Variants in ADAR observed in about 807,000 individuals in gnomAD.
ADAR encodes adenosine deaminase RNA specific.
Under a neutral mutation model 113.2 loss-of-function variants are expected in ADAR, and 41 were observed. That is an observed-to-expected ratio of 0.36 (90% CI 0.28 to 0.47). ADAR has a LOEUF of 0.47. Ranked by LOEUF, ADAR falls within the 20% of genes least tolerant of loss-of-function variation. The pLI, the probability that ADAR is intolerant of heterozygous loss-of-function variation, is 1.00. For missense variants in ADAR, 1,242 were observed against 1,540.9 expected, an observed-to-expected ratio of 0.81 and a Z score of 3.25; for synonymous variants, 605 against 572.6, an observed-to-expected ratio of 1.06 and a Z score of -0.81.
rs1198416053 is a variant in ADAR, at chr1:154,582,141, G to C, written c.*2665C>G. 1 of 152,374 alleles carries C rather than the reference G, an allele frequency of 6.6e-6. No homozygotes were observed. Among genetic ancestry groups the C allele is most frequent in the Non-Finnish European group, 1.5e-5 (1 of 68,004 alleles). 9.4% of individuals were successfully genotyped at this position (152,374 alleles called of 1,614,324 possible). On this transcript the variant is annotated 3_prime_UTR_variant, in exon 15 of 15. Coordinates refer to ENST00000368474, the MANE Select transcript of ADAR (RefSeq NM_001111.5). The stretch of plus-strand genomic sequence containing the variant: ...CACTGTTATCAAGGGACACATAAAA[G>C]CAGAATCATAAAACTGGACTGCAGC...
In ADAR at chr1:154,597,841, C is replaced by T. The variant is rs1251528383; in HGVS notation, c.1921G>A (p.Ala641Thr). The T allele has an allele frequency of 6.2e-7, 1 of 1,614,140 alleles. No homozygotes were observed. The highest frequency in any genetic ancestry group is 1.7e-5 in the Admixed American group (1 of 60,012). The part of the protein sequence containing the change: ...EFRLLSKEGP[A>T]HEPKFQYCVA... ...CGTAGGACATACTTGGGTTCATGGG[C>T]AGGGCCTTCTTTGGACAGGAGACGG... is the stretch of plus-strand genomic sequence containing the variant. The change falls in exon 4 of 15, where the codon GCC becomes ACC. Residue 641 changes from alanine to threonine, a missense_variant. Ala to Thr is a moderately conservative substitution (Grantham distance 58). Around this residue, in one of 2 missense-constraint regions of ADAR, gnomAD observed 780 missense variants for 1,057.9 expected, o/e 0.74. Transcript: ENST00000368474.
At chr1:154,607,841 T>C in intron 1 of ADAR, 151 bp downstream of exon 1, 1 of 1,272,312 alleles carries the variant, frequency 7.9e-7, no homozygotes, top group South Asian at 1.4e-5. Context: ...GACGCACAAA[T>C]TCCTAAACCA....
intron 11 of ADAR, among the ~76,000 whole-genome samples, chr1:154,587,782 C>T (rs1319256321): frequency 1.3e-5 from 2 of 152,170 alleles, no homozygotes; most frequent in Non-Finnish European, 2.9e-5. Flanking sequence ...ATTTCCTCCC[C>T]GCTTTCTTGA....
At chr1:154,622,665 A>G (rs775829777) in intron 1 of ADAR, among the ~76,000 whole-genome samples, 1 of 152,196 alleles carries the variant, frequency 6.6e-6, no homozygotes, top group East Asian at 1.9e-4. Flanking sequence ...TGCAGGTTCA[A>G]ACACATATGG....
chr1:154,603,518 T>A (rs1415785218), intron 1 of ADAR, among the ~76,000 whole-genome samples: 2 of 151,930 alleles, frequency 1.3e-5, no homozygotes, highest in Non-Finnish European at 2.9e-5. Context: ...CCTAGCTACT[T>A]CCCCATAGCT....
At chr1:154,590,464 A>G in intron 6 of ADAR, 55 bp from the exon 7 acceptor site, 2 of 1,562,044 alleles carry the variant, frequency 1.3e-6, no homozygotes, top group Non-Finnish European at 1.8e-6. Context: ...ACATTGTTCC[A>G]AGGAAGGGTT....
exon 1 of ADAR, chr1:154,627,913 G>GGGCCCCCCCCCCCCCCCCCCCCC: frequency 1.9e-6 from 1 of 517,176 alleles, no homozygotes; most frequent in Non-Finnish European, 3.9e-6. Flanking sequence ...GTGCGGCCGC[G>GGGCCCCCCCCCCCCCCCCCCCCC]ACCCTCCCCC....
In ADAR at chr1:154,584,203, T is replaced by G. The variant is rs1696591069; in HGVS notation, c.*603A>C. On this transcript the variant is annotated 3_prime_UTR_variant, in exon 15 of 15. Transcript: ENST00000368474. Reference sequence around the variant, plus strand: ...GGATGGCTGGGCATTATCTGCAGGCTCCAATCACACTTCCGTGGCACTGGG... The same window carrying G: ...GGATGGCTGGGCATTATCTGCAGGCGCCAATCACACTTCCGTGGCACTGGG... 6.5e-6 allele frequency: 1 copy of G among 152,748 alleles called. No individual in the cohort carries two copies. The highest frequency in any genetic ancestry group is 2.4e-5 in the African/African-American group (1 of 41,434). 9.5% of individuals were successfully genotyped at this position (152,748 alleles called of 1,614,324 possible).
chr1:154,590,103 A>C, intron 7 of ADAR, 81 bp downstream of exon 7: 1 of 1,516,130 alleles, frequency 6.6e-7, no homozygotes, highest in Non-Finnish European at 9.1e-7. Flanking sequence ...AATAACTCGC[A>C]TGACAGCAAG....
rs770912934 is a variant in ADAR at position 154,588,153 on chromosome 1, T to C, written c.2991A>G (p.Gln997=). 1 of 1,614,040 alleles carries C rather than the reference T, an allele frequency of 6.2e-7. No individual in the cohort carries two copies. Among genetic ancestry groups the C allele is most frequent in the Non-Finnish European group, 8.5e-7 (1 of 1,180,026 alleles). ...TCTCCACCTTGGTGCGGAGCTTTCC[T>C]TGTTTGGGATTCTCGAAGACAGGGT... The part of the protein sequence containing the change: ...RHYPVFENPK[Q]GKLRTKVENG... The change falls in exon 11 of 15, where the codon CAA becomes CAG. Residue 997 remains glutamine (Q), a synonymous_variant. Coordinates refer to ENST00000368474, the MANE Select transcript of ADAR (RefSeq NM_001111.5).
Position 154,590,300 on chromosome 1 carries a change from C to T in ADAR, c.2380G>A (p.Gly794Arg). The T allele has an allele frequency of 6.2e-7, 1 of 1,614,140 alleles. No homozygotes were observed. The highest frequency in any genetic ancestry group is 8.5e-7 in the Non-Finnish European group (1 of 1,180,034). The change falls in exon 7 of 15, where the codon GGG becomes AGG. Residue 794 changes from glycine to arginine, a missense_variant. Physicochemically the swap from Gly to Arg is moderately radical, Grantham distance 125 (BLOSUM62 -2). Transcript: ENST00000368474. ...AADAALRVLI[G>R]ENEKAERMGF... ...ATGCGTTCTGCCTTCTCGTTCTCCC[C>T]AATCAAGACACGGAGAGCCGCATCT...
Position 154,590,164 on chromosome 1 carries a change from C to T in ADAR, c.2496+20G>A, listed in dbSNP as rs2101587979. 3.9e-6 allele frequency: 5 copies of T among 1,279,934 alleles called. No individual in the cohort carries two copies. In the South Asian group the frequency reaches 5.9e-5, roughly 15 times the overall value. 79.3% of individuals were successfully genotyped at this position (1,279,934 alleles called of 1,614,324 possible). On this transcript the variant is annotated intron_variant, in intron 7 of 14. Coordinates refer to ENST00000368474, the MANE Select transcript of ADAR (RefSeq NM_001111.5). Reference sequence around the variant, plus strand: ...GGACCCCCCCGCCCCAAAAAAGGCACCAAAAGTAGACGTCTTAACTGTCTT... The same window carrying T: ...GGACCCCCCCGCCCCAAAAAAGGCATCAAAAGTAGACGTCTTAACTGTCTT...
chr1:154,605,874 G>T, intron 1 of ADAR: 1 of 608,852 alleles, frequency 1.6e-6, no homozygotes, highest in Non-Finnish European at 2.1e-6. Context: ...GTGTTTCAAA[G>T]TGGCTAGAGT....
Position 154,602,215 on chromosome 1 carries a change from T to A in ADAR, c.427A>T (p.Ile143Phe). 6.2e-7 allele frequency: 1 copy of A among 1,614,194 alleles called. No individual in the cohort carries two copies. Among genetic ancestry groups the A allele is most frequent in the Non-Finnish European group, 8.5e-7 (1 of 1,180,036 alleles). The change falls in exon 2 of 15, where the codon ATC (isoleucine) becomes TTC (phenylalanine). Residue 143 changes from isoleucine (I) to phenylalanine (F), a missense_variant. Ile to Phe is a conservative substitution (Grantham distance 21). Transcript: ENST00000368474. The stretch of plus-strand genomic sequence containing the variant: ...CCAAGCTCTTCCAGGAACTTTAAGA[T>A]CCTTTGTTCCTGATCTTGGTAGATA... ...LSIYQDQEQR[I>F]LKFLEELGEG...
intron 2 of ADAR, 21 bp from the exon 3 acceptor site, chr1:154,598,606 T>A (rs576515432): frequency 6.2e-7 from 1 of 1,613,170 alleles, no homozygotes; most frequent in Admixed American, 1.7e-5. Context: ...AGTGATTAGA[T>A]GTGTGAACAG....
intron 1 of ADAR, 47 bp from the exon 2 acceptor site, chr1:154,602,673 G>A: frequency 1.2e-5 from 20 of 1,605,216 alleles, no homozygotes; most frequent in Non-Finnish European, 1.6e-5. Context: ...GGGCTGCAGT[G>A]GTGAACCTGT....
In ADAR at chr1:154,602,590, G is replaced by A; in HGVS notation, c.52C>T (p.Gln18Ter). ...SLSGYYTHPF[Q>*]GYEHRQLRYQ... ...CTGAGCTGTCTGTGCTCATAGCCTT[G>A]AAATGGATGGGTGTAGTATCCGCTG... The change falls in exon 2 of 15, where the codon CAA becomes TAA. Residue 18 changes from glutamine (Q) to a stop codon, truncating the protein, a stop_gained. Transcript: ENST00000368474. LOFTEE classifies it high-confidence loss of function. 1.2e-6 allele frequency: 2 copies of A among 1,614,198 alleles called. No homozygotes were observed. The highest frequency in any genetic ancestry group is 1.7e-6 in the Non-Finnish European group (2 of 1,180,022).
At chr1:154,608,836 G>C (rs1358897932), upstream of ADAR, 3 of 138,628 alleles carry the variant, frequency 2.2e-5, no homozygotes, top group African/African-American at 7.9e-5. Flanking sequence ...GGAGGGGGGG[G>C]GGAGGGGATG....
intron 3 of ADAR, 57 bp from the exon 4 acceptor site, chr1:154,598,033 T>C: frequency 6.3e-7 from 1 of 1,576,818 alleles, no homozygotes. Context: ...GGTTAGTCCA[T>C]CACAGAAGAA....
Sources: gnomAD v4.1 joint callset for allele counts (sites outside exome capture counted in the v4.1 genomes callset) on GRCh38, gnomAD v4.1.1 for gene constraint, gnomAD v4.1.1 regional missense constraint, MANE v1.5 for transcripts, NCBI Gene and HGNC (gene_info 2026-07-23, HGNC 2026-07-21) for gene names.